Variants in ASTN2 observed in about 807,000 individuals in gnomAD.
ASTN2 encodes the protein astrotactin 2.
In ASTN2, 54 loss-of-function variants were observed where a neutral mutation model predicts 139.8. The observed-to-expected ratio is 0.39, with a 90% confidence interval of 0.31 to 0.48. ASTN2 has a LOEUF of 0.48. ASTN2 is among the 20% of genes least tolerant of loss of function. The pLI is 0.95. For synonymous variants in ASTN2, 756 were observed against 719.5 expected (o/e 1.05, Z -0.81); for missense variants, 1,565 against 1,725.1 (o/e 0.91, Z 1.64).
intron 5 of ASTN2, among the ~76,000 whole-genome samples, chr9:117,047,051 T>C (rs559268827): frequency 1.2e-4 from 19 of 152,318 alleles, no homozygotes; most frequent in African/African-American, 4.6e-4. Flanking sequence ...GCTGAGTGCC[T>C]CATTAACCTC....
At chr9:116,995,956 T>A (rs1423797080) in intron 7 of ASTN2, among the ~76,000 whole-genome samples, 1 of 152,208 alleles carries the variant, frequency 6.6e-6, no homozygotes, top group Non-Finnish European at 1.5e-5. Flanking sequence ...TCTGCTCACC[T>A]CAGCCTCCAA....
intron 1 of ASTN2, among the ~76,000 whole-genome samples, chr9:117,324,496 C>T (rs1252076954): frequency 6.6e-6 from 1 of 152,234 alleles, no homozygotes; most frequent in Non-Finnish European, 1.5e-5. Context: ...ACTTACAAAA[C>T]CATCATATCC....
At chr9:117,134,776 T>C (rs1588001791) in intron 4 of ASTN2, among the ~76,000 whole-genome samples, 2 of 152,292 alleles carry the variant, frequency 1.3e-5, no homozygotes, top group East Asian at 3.9e-4. Flanking sequence ...TGCAGATACG[T>C]AATGCCCTGC....
At chr9:117,267,401 C>T (rs1833961453) in intron 2 of ASTN2, among the ~76,000 whole-genome samples, 1 of 152,152 alleles carries the variant, frequency 6.6e-6, no homozygotes, top group Non-Finnish European at 1.5e-5. Context: ...TTGGTTTAAT[C>T]TCATCACATT....
chr9:116,716,933 T>C (rs993008801), intron 16 of ASTN2, among the ~76,000 whole-genome samples: 1 of 152,218 alleles, frequency 6.6e-6, no homozygotes, highest in Non-Finnish European at 1.5e-5. Flanking sequence ...TGTTTACCTT[T>C]GGGTTTGATA....
chr9:116,811,591 A>G (rs1831169687), intron 12 of ASTN2, among the ~76,000 whole-genome samples: 1 of 152,200 alleles, frequency 6.6e-6, no homozygotes, highest in Non-Finnish European at 1.5e-5. Flanking sequence ...AGGTTGTGCC[A>G]TCTACCAGTT....
At chr9:116,449,513 GTAA>G (rs1848111268) in intron 20 of ASTN2, among the ~76,000 whole-genome samples, 1 of 152,194 alleles carries the variant, frequency 6.6e-6, no homozygotes, top group African/African-American at 2.4e-5. Flanking sequence ...ATGGTAAGTG[GTAA>G]GTTAGCATAA....
chr9:117,232,910 T>C (rs1221488263), intron 2 of ASTN2, among the ~76,000 whole-genome samples: 1 of 152,006 alleles, frequency 6.6e-6, no homozygotes, highest in Non-Finnish European at 1.5e-5. Context: ...TTCCTTTTTG[T>C]TCCTCATTCA....
intron 6 of ASTN2, 47 bp from the exon 7 acceptor site, chr9:117,008,306 CT>C: frequency 6.7e-7 from 1 of 1,499,876 alleles, no homozygotes; most frequent in South Asian, 1.4e-5. Context: ...ATTTTAAGGT[CT>C]TAGCTGATGC....
intron 13 of ASTN2, among the ~76,000 whole-genome samples, chr9:116,802,968 C>T (rs1830903431): frequency 6.8e-6 from 1 of 147,560 alleles, no homozygotes; most frequent in Admixed American, 6.9e-5. Context: ...TTTGAGAAGC[C>T]CTTTATCTTT....
At chr9:116,803,278 C>G (rs887934501) in intron 13 of ASTN2, among the ~76,000 whole-genome samples, 2 of 149,522 alleles carry the variant, frequency 1.3e-5, no homozygotes, top group African/African-American at 4.9e-5. Context: ...TCCAGACTAT[C>G]CTTAAATTTT....
chr9:116,662,398 C>A (rs2131962144), intron 16 of ASTN2, among the ~76,000 whole-genome samples: 1 of 151,602 alleles, frequency 6.6e-6, no homozygotes, highest in Middle Eastern at 3.4e-3. Flanking sequence ...TATGGTGAAA[C>A]CCTGTCTCCA....
At chr9:117,356,052 C>G (rs1020459032) in intron 1 of ASTN2, among the ~76,000 whole-genome samples, 4 of 152,124 alleles carry the variant, frequency 2.6e-5, no homozygotes, top group Admixed American at 6.5e-5. Flanking sequence ...TAGATCCTCC[C>G]CCAAACCCTA....
chr9:117,324,788 A>G (rs1340671874), intron 1 of ASTN2, among the ~76,000 whole-genome samples: 3 of 152,168 alleles, frequency 2.0e-5, no homozygotes, highest in Non-Finnish European at 2.9e-5. Flanking sequence ...CTCCCAGGCC[A>G]TGCTAAGGAT....
chr9:116,726,498 C>A (rs1785324083), intron 15 of ASTN2, among the ~76,000 whole-genome samples: 1 of 152,216 alleles, frequency 6.6e-6, no homozygotes, highest in Admixed American at 6.5e-5. Flanking sequence ...CCACACCAAA[C>A]AAACCAGGGC....
In ASTN2 at chr9:116,940,831, C is replaced by T. The variant is rs374571192; in HGVS notation, c.1889+34377G>A. Among the ~76,000 whole-genome samples, 59 of 152,176 alleles carry T rather than the reference C, an allele frequency of 3.9e-4. No homozygotes were observed. In the East Asian group the frequency reaches 9.7e-3, roughly 25 times the overall value. ...ACTCACCCAGAACAACTTCCGGTCC[C>T]GCAAGCTCTACTCATGGTAAGTGCC... On this transcript the variant is annotated intron_variant, in intron 10 of 22. Transcript: ENST00000313400.
intron 2 of ASTN2, among the ~76,000 whole-genome samples, chr9:117,233,731 T>C (rs1476730691): frequency 3.3e-5 from 5 of 151,904 alleles, no homozygotes; most frequent in Non-Finnish European, 7.4e-5. Flanking sequence ...TATGGCAGAG[T>C]GGTGATCACT....
At chr9:117,049,567 A>G (rs778713396) in intron 5 of ASTN2, among the ~76,000 whole-genome samples, 15 of 152,210 alleles carry the variant, frequency 9.9e-5, no homozygotes, top group African/African-American at 2.2e-4. Context: ...TTGTATGTAC[A>G]TTATCCTATT....
At chr9:116,914,550 A>G (rs184551976) in intron 10 of ASTN2, among the ~76,000 whole-genome samples, 4 of 135,802 alleles carry the variant, frequency 2.9e-5, no homozygotes, top group Non-Finnish European at 6.1e-5. Context: ...AAAGTGTTTT[A>G]TTATTATTAT....
Sources: allele counts gnomAD v4.1 joint callset (sites outside exome capture counted in the v4.1 genomes callset), GRCh38; gene constraint gnomAD v4.1.1; transcripts MANE v1.5; gene names NCBI Gene and HGNC (gene_info 2026-07-23, HGNC 2026-07-21).